Variants in TRAPPC12 observed in about 807,000 individuals in gnomAD.
TRAPPC12 encodes the protein TPR repeat protein 15.
TRAPPC12 carries 61 observed loss-of-function variants against 69.2 expected under a neutral mutation model. The observed-to-expected ratio is 0.88, with a 90% confidence interval of 0.72 to 1.09. The LOEUF (loss-of-function observed/expected upper bound fraction) is 1.09, where lower values mean the gene tolerates loss of function less well. Among genes scored for constraint, TRAPPC12 ranks in the 50% least tolerant of loss-of-function variants. The pLI, the probability that TRAPPC12 is intolerant of heterozygous loss-of-function variation, is 0.00. For synonymous variants in TRAPPC12, 469 were observed against 438.9 expected (o/e 1.07, Z -0.86); for missense variants, 1,101 against 1,016.4 (o/e 1.08, Z -1.13).
intron 2 of TRAPPC12, among the ~76,000 whole-genome samples, chr2:3,399,918 T>A (rs1341949339): frequency 6.8e-6 from 1 of 147,586 alleles, no homozygotes; most frequent in East Asian, 2.1e-4. Flanking sequence ...CTCTGCACCC[T>A]CAGTCACTGC....
chr2:3,447,707 A>G (rs997954969), intron 6 of TRAPPC12, among the ~76,000 whole-genome samples: 9 of 152,206 alleles, frequency 5.9e-5, no homozygotes, highest in African/African-American at 1.4e-4. Flanking sequence ...ATCTAAAAAT[A>G]CTAAAAGCCA....
In TRAPPC12 at chr2:3,414,726, C is replaced by T. The variant is rs918355093; in HGVS notation, c.1165-7155C>T. ...CTGCCCCGCGAGGGACACCATTCCCCGTCGTTGACGTGCATTCCTCTTGTT... is the reference window on the plus strand; with the variant it reads ...CTGCCCCGCGAGGGACACCATTCCCTGTCGTTGACGTGCATTCCTCTTGTT... On this transcript the variant is annotated intron_variant, in intron 3 of 11. Coordinates refer to ENST00000324266, the MANE Select transcript of TRAPPC12 (RefSeq NM_016030.6). The surrounding 1 kb of genome is among the most constrained non-coding windows in gnomAD (Gnocchi z 4.9). Among the ~76,000 whole-genome samples the T allele has an allele frequency of 2.0e-5, 3 of 152,150 alleles. No homozygotes were observed. The highest frequency in any genetic ancestry group is 2.4e-5 in the African/African-American group (1 of 41,438).
chr2:3,381,935 A>G (rs1660229671), intron 1 of TRAPPC12, among the ~76,000 whole-genome samples: 1 of 152,178 alleles, frequency 6.6e-6, no homozygotes, highest in Non-Finnish European at 1.5e-5. Flanking sequence ...CATGTTTTTG[A>G]ATATACAGAG....
intron 6 of TRAPPC12, among the ~76,000 whole-genome samples, chr2:3,452,141 A>G (rs1042504390): frequency 2.6e-5 from 4 of 152,086 alleles, no homozygotes; most frequent in African/African-American, 9.7e-5. Flanking sequence ...CTGGGGCTGG[A>G]GAACTGGGCT....
At chr2:3,389,988 G>A (rs1371221037) in intron 2 of TRAPPC12, among the ~76,000 whole-genome samples, 1 of 152,140 alleles carries the variant, frequency 6.6e-6, no homozygotes, top group Admixed American at 6.5e-5. Context: ...AGGTGGGCAC[G>A]ACAGTGGAAA....
chr2:3,395,423 A>ATT (rs148864205), intron 2 of TRAPPC12, among the ~76,000 whole-genome samples: 2 of 145,310 alleles, frequency 1.4e-5, no homozygotes, highest in Non-Finnish European at 3.0e-5. Context: ...ATGTGTTGCA[A>ATT]TTTTTTTTTT....
intron 2 of TRAPPC12, among the ~76,000 whole-genome samples, chr2:3,397,541 G>C (rs1306278335): frequency 6.6e-6 from 1 of 152,230 alleles, no homozygotes; most frequent in Non-Finnish European, 1.5e-5. Context: ...AGTGTCAGCA[G>C]TAAACTCAAG....
At chr2:3,405,250 C>T (rs1049025083) in intron 3 of TRAPPC12, among the ~76,000 whole-genome samples, 17 of 151,844 alleles carry the variant, frequency 1.1e-4, no homozygotes, top group African/African-American at 3.4e-4. Flanking sequence ...CCAAAATGCC[C>T]GCTTTGTAGA....
In TRAPPC12 at chr2:3,379,829, C is replaced by T. The variant is rs2103407135; in HGVS notation, c.-52C>T. ...TGTCACCTTCCTCACGGACCTTGGT[C>T]ACGGCCGCAGGTGACCCCTTAGCCC... On this transcript the variant is annotated 5_prime_UTR_variant, in exon 1 of 12. Transcript: ENST00000324266. 6.6e-6 allele frequency: 1 copy of T among 152,626 alleles called. No homozygotes were observed. The highest frequency in any genetic ancestry group is 3.4e-3 in the Middle Eastern group (1 of 298). 9.5% of individuals were successfully genotyped at this position (152,626 alleles called of 1,614,324 possible). A position where few individuals can be genotyped will look rare whatever the true frequency, so the allele number is the denominator to read the frequency against.
intron 9 of TRAPPC12, among the ~76,000 whole-genome samples, chr2:3,470,364 G>A (rs936252783): frequency 6.6e-6 from 1 of 152,276 alleles, no homozygotes; most frequent in South Asian, 2.1e-4. Flanking sequence ...AGCGTCCCAG[G>A]GCGCTGCTGT....
chr2:3,431,189 C>T (rs1663415514), intron 5 of TRAPPC12, among the ~76,000 whole-genome samples: 1 of 152,374 alleles, frequency 6.6e-6, no homozygotes, highest in South Asian at 2.1e-4. Context: ...CTGCTGCCCT[C>T]GCCGTCTTCC....
chr2:3,381,521 G>A (rs1456450408), intron 1 of TRAPPC12, among the ~76,000 whole-genome samples: 3 of 152,162 alleles, frequency 2.0e-5, no homozygotes, highest in African/African-American at 7.2e-5. Flanking sequence ...GTGATGTAAA[G>A]CTTCTGTAAG....
At chr2:3,384,385 T>G (rs1056469511) in intron 1 of TRAPPC12, among the ~76,000 whole-genome samples, 10 of 152,238 alleles carry the variant, frequency 6.6e-5, no homozygotes, top group African/African-American at 2.4e-4. Context: ...ATCTTTATCT[T>G]TTTTCTACTT....
chr2:3,450,580 A>G (rs1435774830), intron 6 of TRAPPC12, among the ~76,000 whole-genome samples: 1 of 152,180 alleles, frequency 6.6e-6, no homozygotes, highest in Non-Finnish European at 1.5e-5. Flanking sequence ...GTGACCTCGC[A>G]TGGTGCCTGC....
intron 2 of TRAPPC12, chr2:3,389,593 T>C (rs1660707552): frequency 4.4e-6 from 2 of 456,348 alleles, no homozygotes; most frequent in Non-Finnish European, 9.2e-6. Flanking sequence ...GCTGCCGGAC[T>C]AACGGGCATC....
chr2:3,402,230 A>G (rs1001642800), intron 3 of TRAPPC12, among the ~76,000 whole-genome samples: 7 of 152,172 alleles, frequency 4.6e-5, no homozygotes, highest in African/African-American at 1.7e-4. Flanking sequence ...TTTGTGTAGA[A>G]AGTTTATTAT....
At chr2:3,470,242 G>C (rs1666002890) in intron 9 of TRAPPC12, among the ~76,000 whole-genome samples, 1 of 152,250 alleles carries the variant, frequency 6.6e-6, no homozygotes, top group African/African-American at 2.4e-5. Flanking sequence ...AGCACAAGCA[G>C]AGCTTCTCTG....
At chr2:3,446,478 C>T (rs544733086) in intron 6 of TRAPPC12, among the ~76,000 whole-genome samples, 14 of 152,330 alleles carry the variant, frequency 9.2e-5, no homozygotes, top group African/African-American at 2.6e-4. Flanking sequence ...GAGGGAAAGA[C>T]CCAGGGCATG....
intron 7 of TRAPPC12, among the ~76,000 whole-genome samples, chr2:3,458,941 T>C (rs1281356957): frequency 1.3e-5 from 2 of 152,248 alleles, no homozygotes; most frequent in East Asian, 3.8e-4. Flanking sequence ...GAATTTCTTT[T>C]CACAAAAATA....
Sources: gnomAD v4.1 joint callset for allele counts (sites outside exome capture counted in the v4.1 genomes callset) on GRCh38, gnomAD v4.1.1 for gene constraint, Gnocchi (gnomAD v3.1) non-coding constraint, MANE v1.5 for transcripts, NCBI Gene and HGNC (gene_info 2026-07-23, HGNC 2026-07-21) for gene names.